PCDHGA1: variants seen among roughly 807,000 people sequenced by gnomAD.
PCDHGA1 encodes the protein protocadherin gamma-A1.
A neutral mutation model predicts 58.0 loss-of-function variants in PCDHGA1; 32 were observed. The observed-to-expected ratio is 0.55, with a 90% CI of 0.42 to 0.74. The LOEUF (loss-of-function observed/expected upper bound fraction) is 0.74, where lower values mean the gene tolerates loss of function less well. Among genes scored for constraint, PCDHGA1 ranks in the 30% least tolerant of loss-of-function variants. The pLI is 0.00. For missense variants in PCDHGA1, 1,205 were observed against 1,182.3 expected, an observed-to-expected ratio of 1.02 and a Z score of -0.28; for synonymous variants, 498 against 501.1, an observed-to-expected ratio of 0.99 and a Z score of 0.08.
chr5:141,338,917 G>A, intron 1 of PCDHGA1: 1 of 1,508,942 alleles, frequency 6.6e-7, no homozygotes, highest in Non-Finnish European at 8.9e-7. Flanking sequence ...AATAAAGATT[G>A]GAATCCGCAC....
intron 1 of PCDHGA1, chr5:141,430,885 C>T (rs771554381): frequency 5.6e-6 from 9 of 1,605,218 alleles, no homozygotes; most frequent in South Asian, 1.1e-5. Flanking sequence ...TGGAGAAAGG[C>T]TCTAGGGTGG....
In PCDHGA1 at chr5:141,417,986, A is replaced by G. The variant is rs777967345; in HGVS notation, c.2422-76821A>G. On this transcript the variant is annotated intron_variant, in intron 1 of 3. Coordinates refer to ENST00000517417, the MANE Select transcript of PCDHGA1 (RefSeq NM_018912.3). ...CTACTCGATTCCGGAGGAGCTGGCC[A>G]AGGGCTCGGTGGTGGGGAACCTCGC... The G allele has an allele frequency of 9.9e-6, 16 of 1,613,490 alleles. No individual in the cohort carries two copies. Among genetic ancestry groups the G allele is most frequent in the Non-Finnish European group, 1.4e-5 (16 of 1,179,718 alleles).
rs775153988 is a variant in PCDHGA1 at position 141,485,268 on chromosome 5, G to A, written c.2422-9539G>A. On this transcript the variant is annotated intron_variant, in intron 1 of 3. Coordinates refer to ENST00000517417, the MANE Select transcript of PCDHGA1 (RefSeq NM_018912.3). This position sits in a 1 kb window ranked among gnomAD's most constrained non-coding sequence, Gnocchi z 5.7. ...CTGGGTTACGTTTGTGGGCAGATCC[G>A]CTACCCGGTCCCAGAGGAGTCACAG... 6.2e-7 allele frequency: 1 copy of A among 1,614,100 alleles called. No homozygotes were observed. Among genetic ancestry groups the A allele is most frequent in the Non-Finnish European group, 8.5e-7 (1 of 1,179,936 alleles).
intron 1 of PCDHGA1, chr5:141,351,762 T>G (rs762620794): frequency 6.2e-7 from 1 of 1,613,592 alleles, no homozygotes. Context: ...TTGTCCTACG[T>G]GTCCGTGAGC....
intron 1 of PCDHGA1, among the ~76,000 whole-genome samples, chr5:141,465,094 G>GT (rs138941665): frequency 0.11 from 15,577 of 148,094 alleles, 909 homozygotes; most frequent in African/African-American, 0.15. Flanking sequence ...TTTTCTAGTA[G>GT]TTTTTTTTTT....
intron 1 of PCDHGA1, chr5:141,361,498 A>G (rs1392644737): frequency 1.2e-6 from 2 of 1,613,948 alleles, no homozygotes; most frequent in Admixed American, 1.7e-5. Context: ...TTTCCAACAG[A>G]CTTCCTACAT....
chr5:141,352,656 C>A, intron 1 of PCDHGA1: 1 of 1,597,704 alleles, frequency 6.3e-7, no homozygotes, highest in African/African-American at 1.3e-5. Flanking sequence ...TATGACCCTT[C>A]TTTGTCTTCG....
At chr5:141,501,926 C>T (rs1388315216) in intron 2 of PCDHGA1, among the ~76,000 whole-genome samples, 1 of 152,126 alleles carries the variant, frequency 6.6e-6, no homozygotes, top group African/African-American at 2.4e-5. Flanking sequence ...AGCTTTGTTC[C>T]CTCAACACCA....
chr5:141,372,755 G>A (rs942442162), intron 1 of PCDHGA1: 3 of 1,613,064 alleles, frequency 1.9e-6, no homozygotes, highest in Middle Eastern at 1.6e-4. Context: ...AAGCCTCTTG[G>A]TTTGAAAGTA....
intron 1 of PCDHGA1, chr5:141,371,896 T>C (rs760450150): frequency 1.2e-6 from 2 of 1,613,426 alleles, no homozygotes; most frequent in Admixed American, 1.7e-5. Flanking sequence ...CCGCGGGAGC[T>C]GTCGTCCTAC....
At chr5:141,364,352 T>C in intron 1 of PCDHGA1, 1 of 1,551,202 alleles carries the variant, frequency 6.4e-7, no homozygotes, top group Non-Finnish European at 8.7e-7. Context: ...ACCTAGGGGC[T>C]GGGGCTGCGG....
chr5:141,490,565 T>C lies in PCDHGA1; in HGVS notation c.2422-4242T>C. ...CTACACAAACATCTCACCATCAGGC[T>C]CAACATTTCAGATGTCAATGACAAT... On this transcript the variant is annotated intron_variant, in intron 1 of 3. Coordinates refer to ENST00000517417, the MANE Select transcript of PCDHGA1 (RefSeq NM_018912.3). This position sits in a 1 kb window ranked among gnomAD's most constrained non-coding sequence, Gnocchi z 5.4. 8 of 1,614,116 alleles carry C rather than the reference T, an allele frequency of 5.0e-6. No individual in the cohort carries two copies. Among genetic ancestry groups the C allele is most frequent in the Non-Finnish European group, 6.8e-6 (8 of 1,180,024 alleles).
intron 1 of PCDHGA1, chr5:141,419,506 C>A (rs527369615): frequency 6.2e-6 from 10 of 1,612,352 alleles, no homozygotes; most frequent in Middle Eastern, 1.7e-4. Context: ...TGAGCCTGCG[C>A]GTGTTGGTGG....
Position 141,332,207 on chromosome 5 carries a change from A to C in PCDHGA1, c.1523A>C (p.Asn508Thr). The stretch of plus-strand genomic sequence containing the variant: ...CCCCTATCTGCCTACCTCTCCATCA[A>C]CTCCGACACTGGGGTCCTGTATGCG... The part of the protein sequence containing the change: ...GAPLSAYLSI[N>T]SDTGVLYALR... The change falls in exon 1 of 4, where the codon AAC (asparagine) becomes ACC (threonine). Residue 508 changes from asparagine to threonine, a missense_variant. Physicochemically the swap from Asn to Thr is moderately conservative, Grantham distance 65. Coordinates refer to ENST00000517417, the MANE Select transcript of PCDHGA1 (RefSeq NM_018912.3). This position sits in a 1 kb window ranked among gnomAD's most constrained non-coding sequence, Gnocchi z 4.6. 1 of 1,613,926 alleles carries C rather than the reference A, an allele frequency of 6.2e-7. No homozygotes were observed. The highest frequency in any genetic ancestry group is 8.5e-7 in the Non-Finnish European group (1 of 1,179,990).
At chr5:141,390,827 A>C (rs1026985432) in intron 1 of PCDHGA1, 1 of 164,666 alleles carries the variant, frequency 6.1e-6, no homozygotes, top group African/African-American at 2.4e-5. Flanking sequence ...TTTTATGTCC[A>C]TGGACCCCTT....
In PCDHGA1 at chr5:141,432,887, T is replaced by G. The variant is rs146168033; in HGVS notation, c.2422-61920T>G. 2.8e-4 allele frequency: 451 copies of G among 1,614,156 alleles called. No individual in the cohort carries two copies. In the African/African-American group the frequency reaches 4.6e-3, roughly 17 times the overall value. ...CTGCGTCTTCCTGGCCTTCGTCATC[T>G]TGCTGCTGGCGCTCAGGCTGCGGCG... is the stretch of plus-strand genomic sequence containing the variant. On this transcript the variant is annotated intron_variant, in intron 1 of 3. Transcript: ENST00000517417. The surrounding 1 kb of genome is among the most constrained non-coding windows in gnomAD (Gnocchi z 6.0).
At chr5:141,355,299 C>G (rs537879124) in intron 1 of PCDHGA1, 2 of 1,613,922 alleles carry the variant, frequency 1.2e-6, no homozygotes, top group Non-Finnish European at 1.7e-6. Flanking sequence ...AGATTCTCTA[C>G]TCGGTGTTTG....
At position 141,477,572 on chromosome 5, in the gene PCDHGA1, G is replaced by A. The variant is rs375416133; in HGVS notation, c.2422-17235G>A. The A allele has an allele frequency of 6.2e-7, 1 of 1,614,112 alleles. No homozygotes were observed. The highest frequency in any genetic ancestry group is 8.5e-7 in the Non-Finnish European group (1 of 1,180,030). On this transcript the variant is annotated intron_variant, in intron 1 of 3. Coordinates refer to ENST00000517417, the MANE Select transcript of PCDHGA1 (RefSeq NM_018912.3). This position sits in a 1 kb window ranked among gnomAD's most constrained non-coding sequence, Gnocchi z 4.9. ...AAACCTAAGTGTCTGGGACCCCGAC[G>A]CCCCGCAGAATGCTCGGCTTTCTTT...
rs999250620 is a variant in PCDHGA1, at chr5:141,373,672, T to C, written c.2421+40567T>C. 5.3e-5 allele frequency among the ~76,000 whole-genome samples: 8 copies of C among 152,368 alleles called. No individual in the cohort carries two copies. The East Asian group carries it at 1.3e-3, about 26-fold the overall frequency. ...TAAGAGATATTTTCATAAAAATGAA[T>C]GGTAAACTTCAGAGAACATTTAAAA... On this transcript the variant is annotated intron_variant, in intron 1 of 3. Coordinates refer to ENST00000517417, the MANE Select transcript of PCDHGA1 (RefSeq NM_018912.3).
Sources: gnomAD v4.1 joint callset for allele counts (sites outside exome capture counted in the v4.1 genomes callset) on GRCh38, gnomAD v4.1.1 for gene constraint, Gnocchi (gnomAD v3.1) non-coding constraint, MANE v1.5 for transcripts, NCBI Gene and HGNC (gene_info 2026-07-23, HGNC 2026-07-21) for gene names.